DOT1L: variants seen among roughly 807,000 people sequenced by gnomAD.
The protein encoded by DOT1L is DOT1 like histone lysine methyltransferase.
DOT1L carries 33 observed loss-of-function variants against 153.3 expected under a neutral mutation model. The ratio of observed to expected loss-of-function variants is 0.22; its 90% CI spans 0.16 to 0.29. The LOEUF (loss-of-function observed/expected upper bound fraction) is 0.29, where lower values mean the gene tolerates loss of function less well. Among genes scored for constraint, DOT1L ranks in the 10% least tolerant of loss-of-function variants. DOT1L has a pLI of 1.00. For missense variants in DOT1L, 1,847 were observed against 2,119.9 expected (o/e 0.87, Z 2.53); for synonymous variants, 1,135 against 965.1 (o/e 1.18, Z -3.26).
chr19:2,167,434 A>T (rs1276590061), intron 1 of DOT1L, among the ~76,000 whole-genome samples: 1 of 152,176 alleles, frequency 6.6e-6, no homozygotes, highest in Non-Finnish European at 1.5e-5. Flanking sequence ...CCAGTGCTCC[A>T]TTGTAAATAG....
At position 2,217,152 on chromosome 19, in the gene DOT1L, G is replaced by C; in HGVS notation, c.2544+62G>C. On this transcript the variant is annotated intron_variant, in intron 21 of 27. Coordinates refer to ENST00000398665, the MANE Select transcript of DOT1L (RefSeq NM_032482.3). This position sits in a 1 kb window ranked among gnomAD's most constrained non-coding sequence, Gnocchi z 7.3. ...TGCTCAGCAGAGGCGGCCTGAGCGA[G>C]TTGCTAGCAGGAGGGCTTGTCCTAG... The C allele has an allele frequency of 6.7e-7, 1 of 1,498,056 alleles. No individual in the cohort carries two copies. Among genetic ancestry groups the C allele is most frequent in the Non-Finnish European group, 8.9e-7 (1 of 1,126,304 alleles). The allele number at this position is 1,498,056 out of a possible 1,614,324, so 92.8% of individuals were successfully genotyped here. A position where few individuals can be genotyped will look rare whatever the true frequency, so the allele number is the denominator to read the frequency against.
In DOT1L at chr19:2,191,544, C is replaced by T. The variant is rs891115268; in HGVS notation, c.493+304C>T. On this transcript the variant is annotated intron_variant, in intron 5 of 27. Transcript: ENST00000398665. The surrounding 1 kb of genome is among the most constrained non-coding windows in gnomAD (Gnocchi z 6.8). ...CAGCTGGGGAGCTAGACCTGTGCAC[C>T]CTCTACTGCTCGCTCCCAGAAGCTG... 6.6e-6 allele frequency among the ~76,000 whole-genome samples: 1 copy of T among 152,096 alleles called. No individual in the cohort carries two copies. Among genetic ancestry groups the T allele is most frequent in the Non-Finnish European group, 1.5e-5 (1 of 68,012 alleles).
chr19:2,217,962 CAA>C lies in DOT1L; in HGVS notation c.2691+47_2691+48del. ...GCTGTCCCCAAGGGCCACGTTGAGG[CAA>C]AACAGTCTGGGGTGCTCGAGACCTG... On this transcript the variant is annotated intron_variant, in intron 22 of 27. Transcript: ENST00000398665. The surrounding 1 kb of genome is among the most constrained non-coding windows in gnomAD (Gnocchi z 7.3). 1 of 1,598,910 alleles carries C rather than the reference CAA, an allele frequency of 6.3e-7. No individual in the cohort carries two copies. The highest frequency in any genetic ancestry group is 8.5e-7 in the Non-Finnish European group (1 of 1,175,306).
Position 2,220,388 on chromosome 19 carries a change from G to T in DOT1L, c.2806+166G>T, listed in dbSNP as rs370705258. Reference sequence around the variant, plus strand: ...ACTGACACCCTTTCCTGCATCCCACGAGCTGGGATGCGGATCGGGCTCAGC... The same window carrying T: ...ACTGACACCCTTTCCTGCATCCCACTAGCTGGGATGCGGATCGGGCTCAGC... On this transcript the variant is annotated intron_variant, in intron 23 of 27. Coordinates refer to ENST00000398665, the MANE Select transcript of DOT1L (RefSeq NM_032482.3). The surrounding 1 kb of genome is among the most constrained non-coding windows in gnomAD (Gnocchi z 4.5). The T allele has an allele frequency of 2.7e-6, 2 of 740,830 alleles. No individual in the cohort carries two copies. Among genetic ancestry groups the T allele is most frequent in the Admixed American group, 2.0e-5 (1 of 49,646 alleles). 45.9% of individuals were successfully genotyped at this position (740,830 alleles called of 1,614,324 possible).
At chr19:2,228,697 G>C in intron 27 of DOT1L, 1 of 985,416 alleles carries the variant, frequency 1.0e-6, no homozygotes, top group Non-Finnish European at 1.2e-6. Context: ...CAGGCCAGGG[G>C]GCTGGGAGCT....
Position 2,223,401 on chromosome 19 carries a change from C to T in DOT1L, c.3511C>T (p.Pro1171Ser), listed in dbSNP as rs1329818745. Residue 1171 changes from proline (P) to serine (S), a missense_variant, in exon 25 of 28, where the codon CCT becomes TCT. Physicochemically the swap from Pro to Ser is moderately conservative, Grantham distance 74. This residue lies in a region of DOT1L where 934 missense variants were observed against 825.3 expected (regional missense o/e 1.13). Transcript: ENST00000398665. ...DQPPVLKKERPLSQTNGAHYS... is the reference protein window; with the variant it reads ...DQPPVLKKERSLSQTNGAHYS... ...GCCCCCCGTGCTCAAGAAGGAGCGG[C>T]CTCTGAGCCAGACCAATGGGGCACA... is the stretch of plus-strand genomic sequence containing the variant. 3 of 1,613,676 alleles carry T rather than the reference C, an allele frequency of 1.9e-6. No individual in the cohort carries two copies. The highest frequency in any genetic ancestry group is 3.3e-5 in the Admixed American group (2 of 59,996).
At chr19:2,196,909 T>C (rs1413548872) in intron 7 of DOT1L, among the ~76,000 whole-genome samples, 1 of 152,234 alleles carries the variant, frequency 6.6e-6, no homozygotes, top group Non-Finnish European at 1.5e-5. Flanking sequence ...GTCCTGAGTG[T>C]GCAGCGTGCG....
intron 7 of DOT1L, 129 bp downstream of exon 7, chr19:2,194,706 C>T (rs555494523): frequency 1.7e-5 from 10 of 604,142 alleles, no homozygotes; most frequent in African/African-American, 1.5e-4. Flanking sequence ...CCTGGAGTCC[C>T]CTCTGGTTCT....
At position 2,220,682 on chromosome 19, in the gene DOT1L, C is replaced by A; in HGVS notation, c.2806+460C>A. 5.4e-6 allele frequency: 2 copies of A among 370,306 alleles called. No individual in the cohort carries two copies. Among genetic ancestry groups the A allele is most frequent in the South Asian group, 4.0e-5 (2 of 50,464 alleles). 22.9% of individuals were successfully genotyped at this position (370,306 alleles called of 1,614,324 possible). ...CTGTTAGCCCAGTTTCTGCAGAGAG[C>A]CAGAGAGGATGCCACTTTGGCTTTT... is the stretch of plus-strand genomic sequence containing the variant. On this transcript the variant is annotated intron_variant, in intron 23 of 27. Coordinates refer to ENST00000398665, the MANE Select transcript of DOT1L (RefSeq NM_032482.3). The surrounding 1 kb of genome is among the most constrained non-coding windows in gnomAD (Gnocchi z 4.5).
chr19:2,176,991 C>T (rs1279044803), intron 1 of DOT1L, among the ~76,000 whole-genome samples: 1 of 152,212 alleles, frequency 6.6e-6, no homozygotes, highest in Non-Finnish European at 1.5e-5. Flanking sequence ...ACCCCTTCCT[C>T]CCGCCCCCAG....
intron 12 of DOT1L, among the ~76,000 whole-genome samples, chr19:2,209,343 A>T (rs2023624429): frequency 6.6e-6 from 1 of 152,052 alleles, no homozygotes; most frequent in Non-Finnish European, 1.5e-5. Context: ...GGCCTGGGAC[A>T]TCCTTCCCCT....
At chr19:2,228,219 C>G (rs767446297) in intron 27 of DOT1L, 1 of 1,363,844 alleles carries the variant, frequency 7.3e-7, no homozygotes, top group South Asian at 1.1e-5. Context: ...GCCCCTGCCC[C>G]GGCTGGCCCT....
Position 2,191,676 on chromosome 19 carries a change from C to T in DOT1L, c.493+436C>T, listed in dbSNP as rs1490944491. ...CTCCACAGCGGCTGGAAAGGTCCCC[C>T]GCGGAGGAAGACCCCAGGTCCCTGG... On this transcript the variant is annotated intron_variant, in intron 5 of 27. Coordinates refer to ENST00000398665, the MANE Select transcript of DOT1L (RefSeq NM_032482.3). This position sits in a 1 kb window ranked among gnomAD's most constrained non-coding sequence, Gnocchi z 6.8. Among the ~76,000 whole-genome samples, 2 of 152,174 alleles carry T rather than the reference C, an allele frequency of 1.3e-5. No homozygotes were observed. The highest frequency in any genetic ancestry group is 2.9e-5 in the Non-Finnish European group (2 of 68,012).
In DOT1L at chr19:2,230,711, G is replaced by A. The variant is rs567469436; in HGVS notation, c.*919G>A. The A allele has an allele frequency of 2.5e-6, 1 of 397,766 alleles. No individual in the cohort carries two copies. Among genetic ancestry groups the A allele is most frequent in the African/African-American group, 2.1e-5 (1 of 48,728 alleles). 24.6% of individuals were successfully genotyped at this position (397,766 alleles called of 1,614,324 possible). A position where few individuals can be genotyped will look rare whatever the true frequency, so the allele number is the denominator to read the frequency against. On this transcript the variant is annotated 3_prime_UTR_variant, in exon 28 of 28. Transcript: ENST00000398665. ...GATTTGACAGCTTTTATTTTTAGAT[G>A]GTATAATGCACAGTGAAGAGGAAAG...
intron 7 of DOT1L, among the ~76,000 whole-genome samples, chr19:2,199,645 G>A (rs1220635042): frequency 1.3e-5 from 2 of 152,216 alleles, no homozygotes; most frequent in Non-Finnish European, 2.9e-5. Context: ...CCAAGCGGAT[G>A]CTGGAGCACG....
chr19:2,175,890 C>G (rs1275118265), intron 1 of DOT1L, among the ~76,000 whole-genome samples: 1 of 152,100 alleles, frequency 6.6e-6, no homozygotes, highest in Non-Finnish European at 1.5e-5. Flanking sequence ...GAAAGGAACT[C>G]CCACACGAGC....
chr19:2,188,040 G>A (rs534050006), intron 3 of DOT1L, among the ~76,000 whole-genome samples: 24 of 152,154 alleles, frequency 1.6e-4, no homozygotes, highest in Non-Finnish European at 3.4e-4. Context: ...CCCGCATGGT[G>A]CCTGCTGGCC....
In DOT1L at chr19:2,213,523, C is replaced by T. The variant is rs536378944; in HGVS notation, c.1558-16C>T. The T allele has an allele frequency of 1.9e-6, 3 of 1,611,540 alleles. No individual in the cohort carries two copies. The highest frequency in any genetic ancestry group is 2.2e-5 in the South Asian group (2 of 90,970). Reference sequence around the variant, plus strand: ...CCTGCCCTGGCCCTTAGTCACCTGCCCTGTTTGTCCTACAGGAGAAGAACG... The same window carrying T: ...CCTGCCCTGGCCCTTAGTCACCTGCTCTGTTTGTCCTACAGGAGAAGAACG... On this transcript the variant is annotated splice_polypyrimidine_tract_variant and intron_variant, in intron 16 of 27. Transcript: ENST00000398665.
intron 1 of DOT1L, among the ~76,000 whole-genome samples, chr19:2,175,143 C>T (rs552584477): frequency 5.9e-5 from 9 of 151,910 alleles, no homozygotes; most frequent in Non-Finnish European, 8.8e-5. Context: ...GGACTACAGG[C>T]GCCCACCACC....
Sources: allele counts gnomAD v4.1 joint callset (sites outside exome capture counted in the v4.1 genomes callset), GRCh38; gene constraint gnomAD v4.1.1; regional missense constraint gnomAD v4.1.1; non-coding constraint Gnocchi (gnomAD v3.1); transcripts MANE v1.5; gene names NCBI Gene and HGNC (gene_info 2026-07-23, HGNC 2026-07-21).